KCNIP4: variants seen among roughly 807,000 people sequenced by gnomAD.
KCNIP4 encodes the protein potassium voltage-gated channel interacting protein 4, also known as Kv channel-interacting protein 4.
In KCNIP4, 12 loss-of-function variants were observed where a neutral mutation model predicts 34.0. The ratio of observed to expected loss-of-function variants is 0.35; its 90% CI spans 0.23 to 0.57. The LOEUF is 0.57. Ranked by LOEUF, KCNIP4 falls within the 20% of genes least tolerant of loss-of-function variation. The pLI is 0.83. For missense variants in KCNIP4, 238 were observed against 311.7 expected (o/e 0.76, Z 1.78); for synonymous variants, 124 against 102.2 (o/e 1.21, Z -1.29).
At chr4:21,551,876 A>G (rs1452829215) in intron 1 of KCNIP4, among the ~76,000 whole-genome samples, 4 of 152,046 alleles carry the variant, frequency 2.6e-5, no homozygotes, top group African/African-American at 9.7e-5. Context: ...GAGAAAGGAT[A>G]CCAGTGAAGA....
chr4:21,031,625 C>T (rs890834536), intron 1 of KCNIP4, among the ~76,000 whole-genome samples: 11 of 152,116 alleles, frequency 7.2e-5, no homozygotes, highest in African/African-American at 2.4e-4. Flanking sequence ...GGCTTCTCTC[C>T]ACTGTACAAT....
At chr4:21,908,078 T>TA (rs1347661221) in intron 1 of KCNIP4, among the ~76,000 whole-genome samples, 2 of 152,104 alleles carry the variant, frequency 1.3e-5, no homozygotes, top group Non-Finnish European at 2.9e-5. Flanking sequence ...CTGCCTGTAA[T>TA]AAAAAATAAT....
intron 1 of KCNIP4, among the ~76,000 whole-genome samples, chr4:21,082,865 TTCTATCTATCTA>T (rs71182707): frequency 3.4e-4 from 50 of 147,684 alleles, no homozygotes; most frequent in Middle Eastern, 3.4e-3. Context: ...TGCCAGGTTA[TTCTATCTATCTA>T]TCTATCTATC....
chr4:20,989,756 T>G (rs1736915189), intron 1 of KCNIP4, among the ~76,000 whole-genome samples: 1 of 151,810 alleles, frequency 6.6e-6, no homozygotes, highest in Admixed American at 6.6e-5. Flanking sequence ...ATCGCTTGAG[T>G]TCACAAGTTC....
At chr4:21,113,455 TAAA>T (rs56676152) in intron 1 of KCNIP4, among the ~76,000 whole-genome samples, 2 of 62,382 alleles carry the variant, frequency 3.2e-5, no homozygotes, top group Non-Finnish European at 2.8e-5. Flanking sequence ...TCTATAAGTT[TAAA>T]AAAAAAAAAA....
chr4:21,174,674 C>G (rs1207827914), intron 1 of KCNIP4, among the ~76,000 whole-genome samples: 1 of 151,992 alleles, frequency 6.6e-6, no homozygotes, highest in African/African-American at 2.4e-5. Flanking sequence ...CCGAGGTGGG[C>G]AGATCACCTG....
At chr4:20,767,459 G>T (rs1461913424) in intron 3 of KCNIP4, 3 of 152,116 alleles carry the variant, frequency 2.0e-5, no homozygotes, top group African/African-American at 7.2e-5. Flanking sequence ...GTTGGGAAGG[G>T]TGCTTTGGAG....
intron 2 of KCNIP4, among the ~76,000 whole-genome samples, chr4:20,857,180 A>C (rs539603236): frequency 6.6e-6 from 1 of 152,266 alleles, no homozygotes; most frequent in East Asian, 1.9e-4. Flanking sequence ...ACAGGCTCTA[A>C]AAACATAACT....
intron 1 of KCNIP4, among the ~76,000 whole-genome samples, chr4:21,502,632 A>T (rs905025176): frequency 6.6e-6 from 1 of 152,134 alleles, no homozygotes; most frequent in African/African-American, 2.4e-5. Context: ...AGTTATCTTT[A>T]TCCGAAATGT....
intron 1 of KCNIP4, among the ~76,000 whole-genome samples, chr4:21,192,952 C>A (rs6852130): frequency 0.47 from 68,658 of 144,812 alleles, 18,782 homozygotes; most frequent in African/African-American, 0.75. Context: ...ACTACTACTA[C>A]TAATAATAAT....
intron 1 of KCNIP4, among the ~76,000 whole-genome samples, chr4:20,885,966 A>G (rs1725260492): frequency 6.6e-6 from 1 of 152,192 alleles, no homozygotes; most frequent in Admixed American, 6.5e-5. Context: ...AGGGCAAACC[A>G]ACTAGATTAT....
At chr4:21,552,275 A>G (rs1045680158) in intron 1 of KCNIP4, among the ~76,000 whole-genome samples, 1 of 152,128 alleles carries the variant, frequency 6.6e-6, no homozygotes, top group Non-Finnish European at 1.5e-5. Flanking sequence ...CAGACACAAG[A>G]TCTTGAAATG....
At chr4:21,836,590 T>C (rs1257496334) in intron 1 of KCNIP4, among the ~76,000 whole-genome samples, 1 of 152,190 alleles carries the variant, frequency 6.6e-6, no homozygotes, top group Non-Finnish European at 1.5e-5. Flanking sequence ...AGTTCTCTAA[T>C]ATGTTGATGT....
At chr4:21,898,517 A>G (rs1727529212) in intron 1 of KCNIP4, among the ~76,000 whole-genome samples, 2 of 152,046 alleles carry the variant, frequency 1.3e-5, no homozygotes, top group African/African-American at 4.8e-5. Context: ...CCCCAATAAC[A>G]TTTCTAGACA....
intron 1 of KCNIP4, among the ~76,000 whole-genome samples, chr4:21,728,356 C>A (rs34322864): frequency 0.28 from 43,057 of 151,816 alleles, 7,261 homozygotes; most frequent in East Asian, 0.67. Context: ...ACATCGAGTC[C>A]ATCAGCAAAT....
At chr4:21,234,166 T>A (rs1404909665) in intron 1 of KCNIP4, among the ~76,000 whole-genome samples, 1 of 106,408 alleles carries the variant, frequency 9.4e-6, no homozygotes, top group African/African-American at 5.0e-5. Flanking sequence ...TAACGTATAT[T>A]ATATATAACA....
At chr4:21,316,834 A>G (rs912209728) in intron 1 of KCNIP4, among the ~76,000 whole-genome samples, 1 of 152,198 alleles carries the variant, frequency 6.6e-6, no homozygotes, top group Admixed American at 6.6e-5. Context: ...TGTATTGAAC[A>G]TTCAAATGCA....
chr4:21,286,382 C>T (rs1043953068), intron 1 of KCNIP4, among the ~76,000 whole-genome samples: 2 of 152,136 alleles, frequency 1.3e-5, no homozygotes, highest in African/African-American at 4.8e-5. Context: ...TAGTAGACAG[C>T]ACCTCTAACT....
At chr4:21,663,229 ATTAC>A (rs879726671) in intron 1 of KCNIP4, among the ~76,000 whole-genome samples, 1 of 152,228 alleles carries the variant, frequency 6.6e-6, no homozygotes, top group Non-Finnish European at 1.5e-5. Context: ...AATGGATGAC[ATTAC>A]TTAAATGTCA....
Sources: gnomAD v4.1 joint callset for allele counts (sites outside exome capture counted in the v4.1 genomes callset) on GRCh38, gnomAD v4.1.1 for gene constraint, MANE v1.5 for transcripts, NCBI Gene and HGNC (gene_info 2026-07-23, HGNC 2026-07-21) for gene names.